AKAP7: variants seen among roughly 807,000 people sequenced by gnomAD.
AKAP7 encodes A kinase (PRKA) anchor protein 7.
In AKAP7, 39 loss-of-function variants were observed where a neutral mutation model predicts 39.5. That is an observed-to-expected ratio of 0.99 (90% CI 0.76 to 1.29). The LOEUF is 1.29. Ranked by LOEUF, AKAP7 falls within the 50% of genes most tolerant of loss-of-function variation. The pLI is 0.00. For missense variants in AKAP7, 414 were observed against 407.7 expected (o/e 1.02, Z -0.13); for synonymous variants, 140 against 139.1 (o/e 1.01, Z -0.05).
intron 5 of AKAP7, among the ~76,000 whole-genome samples, chr6:131,171,350 C>T (rs556197747): frequency 3.9e-5 from 6 of 152,046 alleles, no homozygotes; most frequent in African/African-American, 9.6e-5. Flanking sequence ...GGAGAAATAG[C>T]GTTTGAGTTG....
chr6:131,198,970 A>T (rs1342976765), intron 5 of AKAP7, among the ~76,000 whole-genome samples: 1 of 152,120 alleles, frequency 6.6e-6, no homozygotes, highest in Non-Finnish European at 1.5e-5. Flanking sequence ...TATCTGTTTC[A>T]TCTCCTTACA....
At chr6:131,173,226 A>G (rs1165233712) in intron 5 of AKAP7, among the ~76,000 whole-genome samples, 6 of 151,932 alleles carry the variant, frequency 3.9e-5, no homozygotes, top group Non-Finnish European at 8.8e-5. Context: ...AGAAAAAAGA[A>G]AAAATTCTTT....
chr6:131,228,879 T>A (rs536270452), intron 7 of AKAP7, among the ~76,000 whole-genome samples: 22 of 152,236 alleles, frequency 1.4e-4, no homozygotes, highest in African/African-American at 3.9e-4. Flanking sequence ...TAAAAAAAAA[T>A]TTTTTAAAGG....
chr6:131,253,163 T>C (rs1812578904), intron 7 of AKAP7: 1 of 1,487,942 alleles, frequency 6.7e-7, no homozygotes, highest in South Asian at 1.2e-5. Context: ...CTTTTGCCGT[T>C]TGGTGGTGGT....
chr6:131,258,917 G>T (rs1271922380), intron 7 of AKAP7, among the ~76,000 whole-genome samples: 5 of 152,152 alleles, frequency 3.3e-5, no homozygotes, highest in Admixed American at 6.5e-5. Context: ...GCTTGGTGTG[G>T]ATTGACAGAG....
At chr6:131,132,461 C>T (rs1489669576), upstream of AKAP7, among the ~76,000 whole-genome samples, 2 of 152,166 alleles carry the variant, frequency 1.3e-5, no homozygotes, top group East Asian at 1.9e-4. Context: ...CCTCTCCCTC[C>T]GTATGTTCTG....
intron 1 of AKAP7, among the ~76,000 whole-genome samples, chr6:131,138,659 A>G (rs1379959376): frequency 6.6e-6 from 1 of 152,222 alleles, no homozygotes; most frequent in African/African-American, 2.4e-5. Context: ...GCATAATGGT[A>G]ATAGAGTGAC....
intron 7 of AKAP7, among the ~76,000 whole-genome samples, chr6:131,278,554 C>T (rs1231781552): frequency 6.6e-6 from 1 of 152,154 alleles, no homozygotes; most frequent in African/African-American, 2.4e-5. Flanking sequence ...CATGGTTCCA[C>T]AGGCTGTACA....
At chr6:131,237,479 T>C (rs1429148340) in intron 7 of AKAP7, among the ~76,000 whole-genome samples, 1 of 152,156 alleles carries the variant, frequency 6.6e-6, no homozygotes, top group South Asian at 2.1e-4. Context: ...TCAGAAGGAA[T>C]GGTACCAGCT....
At chr6:131,238,245 G>A (rs540711534) in intron 7 of AKAP7, among the ~76,000 whole-genome samples, 1 of 152,228 alleles carries the variant, frequency 6.6e-6, no homozygotes, top group South Asian at 2.1e-4. Flanking sequence ...CTGAGTTCTA[G>A]TTTGATTGCA....
intron 7 of AKAP7, among the ~76,000 whole-genome samples, chr6:131,253,582 A>C (rs1241423695): frequency 2.0e-5 from 3 of 152,064 alleles, no homozygotes; most frequent in Non-Finnish European, 4.4e-5. Context: ...TGTACCTATT[A>C]ACCTCTCATC....
At chr6:131,169,763 A>T (rs927395314) in intron 5 of AKAP7, among the ~76,000 whole-genome samples, 1 of 152,200 alleles carries the variant, frequency 6.6e-6, no homozygotes, top group African/African-American at 2.4e-5. Flanking sequence ...TTTGATCCAG[A>T]GATAATAGGT....
intron 1 of AKAP7, among the ~76,000 whole-genome samples, chr6:131,142,423 C>T (rs1302401221): frequency 6.6e-6 from 1 of 152,228 alleles, no homozygotes; most frequent in Non-Finnish European, 1.5e-5. Flanking sequence ...AGCGACAGCT[C>T]TGGTCACTTT....
Position 131,166,705 on chromosome 6 carries a change from G to T in AKAP7, c.428+1488G>T, listed in dbSNP as rs559656227. On this transcript the variant is annotated intron_variant, in intron 4 of 7. Transcript: ENST00000431975. ...GTGTCAACTTTTAATTGATGGTGAG[G>T]TTCAAGGTGTGACCTCACTTTGGGG... Among the ~76,000 whole-genome samples, 11 of 152,280 alleles carry T rather than the reference G, an allele frequency of 7.2e-5. No individual in the cohort carries two copies. The South Asian group carries it at 2.1e-3, about 29-fold the overall frequency.
rs55744190 is a variant in AKAP7 at position 131,161,644 on chromosome 6, C to CAAAAAAAAAAAAAAA, written c.291+1472_291+1486dup. 1.2e-3 allele frequency among the ~76,000 whole-genome samples: 40 copies of CAAAAAAAAAAAAAAA among 33,624 alleles called. 5 individuals carry two copies. Among genetic ancestry groups the CAAAAAAAAAAAAAAA allele is most frequent in the Non-Finnish European group, 1.7e-3 (32 of 19,038 alleles). The allele number at this position is 33,624 out of a possible 152,430, so 22.1% of individuals were successfully genotyped here. A position where few individuals can be genotyped will look rare whatever the true frequency, so the allele number is the denominator to read the frequency against. ...TGGGTGACAGAGCCAGACTGTATCT[C>CAAAAAAAAAAAAAAA]AAAAAAAAAAAAAAAAAAAAAAAAA... On this transcript the variant is annotated intron_variant, in intron 3 of 7. Transcript: ENST00000431975.
chr6:131,281,779 G>A lies in AKAP7; in HGVS notation c.*53G>A. On this transcript the variant is annotated 3_prime_UTR_variant, in exon 8 of 8. Transcript: ENST00000431975. This position sits in a 1 kb window ranked among gnomAD's most constrained non-coding sequence, Gnocchi z 4.0. ...GTGCAAAGCCTCCCTGCTTCCCTCT[G>A]CTGAGTCTAGGGACTGACTTGCAGC... 2 of 1,507,998 alleles carry A rather than the reference G, an allele frequency of 1.3e-6. No homozygotes were observed. Among genetic ancestry groups the A allele is most frequent in the Non-Finnish European group, 1.8e-6 (2 of 1,129,246 alleles). The allele number at this position is 1,507,998 out of a possible 1,614,324, so 93.4% of individuals were successfully genotyped here.
At chr6:131,183,553 C>T (rs1216605225) in intron 5 of AKAP7, among the ~76,000 whole-genome samples, 8 of 152,026 alleles carry the variant, frequency 5.3e-5, no homozygotes, top group Admixed American at 5.2e-4. Context: ...CCTGATCCTT[C>T]CCCTCTCCCC....
At chr6:131,244,093 C>G (rs1194130045) in intron 7 of AKAP7, among the ~76,000 whole-genome samples, 1 of 150,250 alleles carries the variant, frequency 6.7e-6, no homozygotes, top group African/African-American at 2.5e-5. Context: ...TTCAGTAATG[C>G]TTGAAAAAAG....
chr6:131,144,058 C>T (rs1465200384), intron 1 of AKAP7, among the ~76,000 whole-genome samples: 1 of 137,400 alleles, frequency 7.3e-6, no homozygotes, highest in Non-Finnish European at 1.5e-5. Context: ...GCACATGTTT[C>T]AGAGAGCACA....
Sources: allele counts gnomAD v4.1 joint callset (sites outside exome capture counted in the v4.1 genomes callset), GRCh38; gene constraint gnomAD v4.1.1; non-coding constraint Gnocchi (gnomAD v3.1); transcripts MANE v1.5; gene names NCBI Gene and HGNC (gene_info 2026-07-23, HGNC 2026-07-21).